RAPGEF4: variants seen among roughly 807,000 people sequenced by gnomAD.
The protein encoded by RAPGEF4 is Rap guanine nucleotide exchange factor 4.
In RAPGEF4, 66 loss-of-function variants were observed where a neutral mutation model predicts 147.9. The observed-to-expected ratio is 0.45, with a 90% CI of 0.37 to 0.55. RAPGEF4 has a LOEUF of 0.55. Among genes scored for constraint, RAPGEF4 ranks in the 20% least tolerant of loss-of-function variants. The probability of loss-of-function intolerance (pLI) is 0.00; values close to 1 mark genes in which losing one functional copy is unlikely to be tolerated. For synonymous variants in RAPGEF4, 419 were observed against 442.7 expected (o/e 0.95, Z 0.67); for missense variants, 1,071 against 1,257.3 (o/e 0.85, Z 2.24).
chr2:172,832,831 T>C (rs1364608110), intron 4 of RAPGEF4, among the ~76,000 whole-genome samples: 2 of 152,256 alleles, frequency 1.3e-5, no homozygotes, highest in African/African-American at 2.4e-5. Flanking sequence ...TACTTTAATG[T>C]CATTATTTTC....
chr2:172,871,438 T>C (rs567154515), intron 4 of RAPGEF4, among the ~76,000 whole-genome samples: 11 of 152,104 alleles, frequency 7.2e-5, no homozygotes, highest in East Asian at 1.9e-4. Flanking sequence ...CAGGGTTAGA[T>C]GGAGGGTAGT....
chr2:172,838,371 GAA>G (rs1381251695), intron 4 of RAPGEF4, among the ~76,000 whole-genome samples: 10 of 152,032 alleles, frequency 6.6e-5, no homozygotes, highest in African/African-American at 2.4e-4. Flanking sequence ...AACACACTGG[GAA>G]ATCCGCCTTT....
intron 6 of RAPGEF4, among the ~76,000 whole-genome samples, chr2:172,925,277 C>T (rs529231097): frequency 5.9e-5 from 9 of 152,340 alleles, no homozygotes; most frequent in African/African-American, 2.2e-4. Context: ...CCACACCCAG[C>T]CACCATGTTT....
At chr2:172,951,142 C>A (rs1688171442) in intron 6 of RAPGEF4, among the ~76,000 whole-genome samples, 1 of 152,182 alleles carries the variant, frequency 6.6e-6, no homozygotes, top group Non-Finnish European at 1.5e-5. Flanking sequence ...TTTAAAAAAA[C>A]AAAGGACTAG....
chr2:172,846,437 A>AATAGT (rs1692200892), intron 4 of RAPGEF4, among the ~76,000 whole-genome samples: 1 of 152,212 alleles, frequency 6.6e-6, no homozygotes. Flanking sequence ...AAAATTGCTG[A>AATAGT]ATAGTATTTC....
At chr2:172,922,194 T>A in intron 5 of RAPGEF4, 87 bp from the exon 6 acceptor site, 1 of 1,273,654 alleles carries the variant, frequency 7.9e-7, no homozygotes, top group Non-Finnish European at 1.1e-6. Context: ...GAAATTTTAC[T>A]TGGTTTGGTT....
At chr2:172,840,712 G>A (rs1350401509) in intron 4 of RAPGEF4, among the ~76,000 whole-genome samples, 1 of 152,218 alleles carries the variant, frequency 6.6e-6, no homozygotes, top group Admixed American at 6.5e-5. Context: ...TTGTAGGAAA[G>A]AATCCAAAAG....
chr2:172,961,315 G>C (rs558615330), intron 8 of RAPGEF4, 87 bp downstream of exon 8: 1 of 1,105,116 alleles, frequency 9.0e-7, no homozygotes, highest in South Asian at 1.4e-5. Flanking sequence ...TGTTTTCCAT[G>C]TGGGCGCAGC....
At chr2:172,860,215 T>G (rs1022928383) in intron 4 of RAPGEF4, 76 of 985,194 alleles carry the variant, frequency 7.7e-5, no homozygotes, top group Non-Finnish European at 8.7e-5. Context: ...GTCCCATCAG[T>G]GAGAAGAGGA....
chr2:173,031,812 T>G (rs958072000), intron 26 of RAPGEF4, among the ~76,000 whole-genome samples: 1 of 152,120 alleles, frequency 6.6e-6, no homozygotes, highest in African/African-American at 2.4e-5. Flanking sequence ...CTTTCATCAT[T>G]TATAAGCCTT....
At chr2:172,760,637 G>T (rs967521258) in intron 1 of RAPGEF4, among the ~76,000 whole-genome samples, 1 of 151,576 alleles carries the variant, frequency 6.6e-6, no homozygotes, top group Non-Finnish European at 1.5e-5. Flanking sequence ...AGAATGGCAT[G>T]AACCCGGGAG....
rs55703709 is a variant in RAPGEF4 at position 172,753,399 on chromosome 2, CTT to C, written c.65+17362_65+17363del. Among the ~76,000 whole-genome samples the C allele has an allele frequency of 5.5e-4, 80 of 145,054 alleles. No homozygotes were observed. In the South Asian group the frequency reaches 0.017, roughly 31 times the overall value. On this transcript the variant is annotated intron_variant, in intron 1 of 30. Transcript: ENST00000397081. Reference sequence around the variant, plus strand: ...TTAGTTGAACTAAAACCTTGATTTTCTTTTTTTTTTTTAATTTACCTACAATT... The same window carrying C: ...TTAGTTGAACTAAAACCTTGATTTTCTTTTTTTTTTAATTTACCTACAATT...
intron 27 of RAPGEF4, 27 bp downstream of exon 27, chr2:173,033,991 G>A (rs2290376): frequency 0.055 from 87,772 of 1,592,106 alleles, 2,743 homozygotes; most frequent in Admixed American, 0.084. Context: ...TCTTTATTCT[G>A]TTCACTGTCT....
chr2:173,011,855 A>AG (rs1203565199), intron 17 of RAPGEF4, among the ~76,000 whole-genome samples: 1 of 151,742 alleles, frequency 6.6e-6, no homozygotes, highest in Admixed American at 6.6e-5. Context: ...TCCGTCTCAA[A>AG]AAAAAAAAAA....
At chr2:172,987,234 C>T (rs748063090) in intron 12 of RAPGEF4, among the ~76,000 whole-genome samples, 1 of 152,100 alleles carries the variant, frequency 6.6e-6, no homozygotes, top group Non-Finnish European at 1.5e-5. Flanking sequence ...CCCAGGAGGT[C>T]AAGGCTGCAG....
chr2:172,950,063 G>A (rs571376211), intron 6 of RAPGEF4, among the ~76,000 whole-genome samples: 1 of 152,276 alleles, frequency 6.6e-6, no homozygotes, highest in African/African-American at 2.4e-5. Context: ...TCTATACTTA[G>A]GTTTTAACAT....
At chr2:172,999,014 T>C (rs1207757230) in intron 16 of RAPGEF4, among the ~76,000 whole-genome samples, 1 of 152,134 alleles carries the variant, frequency 6.6e-6, no homozygotes, top group Non-Finnish European at 1.5e-5. Context: ...GCTTCTTTTG[T>C]TTAGTTTTGT....
chr2:173,005,231 G>T (rs927730540), intron 17 of RAPGEF4, among the ~76,000 whole-genome samples: 1 of 151,948 alleles, frequency 6.6e-6, no homozygotes, highest in Non-Finnish European at 1.5e-5. Flanking sequence ...AATAGGCAAA[G>T]AATATGTAGT....
At chr2:173,032,558 G>A (rs1420673484) in intron 26 of RAPGEF4, among the ~76,000 whole-genome samples, 1 of 152,116 alleles carries the variant, frequency 6.6e-6, no homozygotes, top group Non-Finnish European at 1.5e-5. Flanking sequence ...CAATGTTTTT[G>A]CATAACTTGG....
Sources: allele counts gnomAD v4.1 joint callset (sites outside exome capture counted in the v4.1 genomes callset), GRCh38; gene constraint gnomAD v4.1.1; transcripts MANE v1.5; gene names NCBI Gene and HGNC (gene_info 2026-07-23, HGNC 2026-07-21).